Variants in ARHGAP44 observed in about 807,000 individuals in gnomAD.
The protein encoded by ARHGAP44 is Rho GTPase activating protein 44, also known as rho GTPase-activating protein 44.
A neutral mutation model predicts 106.8 loss-of-function variants in ARHGAP44; 43 were observed. The ratio of observed to expected loss-of-function variants is 0.40; its 90% CI spans 0.32 to 0.52. The LOEUF (loss-of-function observed/expected upper bound fraction) is 0.52, where lower values mean the gene tolerates loss of function less well. ARHGAP44 is among the 20% of genes least tolerant of loss of function. The pLI, the probability that ARHGAP44 is intolerant of heterozygous loss-of-function variation, is 0.48. For missense variants in ARHGAP44, 866 were observed against 1,050.5 expected (o/e 0.82, Z 2.43); for synonymous variants, 439 against 410.3 (o/e 1.07, Z -0.85).
intron 1 of ARHGAP44, among the ~76,000 whole-genome samples, chr17:12,892,074 G>A (rs1430609643): frequency 6.6e-6 from 1 of 152,248 alleles, no homozygotes; most frequent in East Asian, 1.9e-4. Context: ...GCAGGCGTGA[G>A]CCACTGTGCC....
intron 1 of ARHGAP44, among the ~76,000 whole-genome samples, chr17:12,796,703 TCTC>T (rs2033933459): frequency 6.6e-6 from 1 of 151,862 alleles, no homozygotes; most frequent in South Asian, 2.1e-4. Context: ...TTCATGCCAT[TCTC>T]CTGCCTCAGC....
chr17:12,953,187 C>G (rs770969691), intron 13 of ARHGAP44, among the ~76,000 whole-genome samples: 1 of 152,062 alleles, frequency 6.6e-6, no homozygotes, highest in East Asian at 1.9e-4. Context: ...TTCTCCAGTG[C>G]TCCCCCATTC....
intron 1 of ARHGAP44, among the ~76,000 whole-genome samples, chr17:12,799,522 G>T (rs915690610): frequency 4.6e-5 from 7 of 152,142 alleles, no homozygotes; most frequent in Admixed American, 1.3e-4. Context: ...ATTCACAAAC[G>T]TCACTTATGT....
intron 16 of ARHGAP44, among the ~76,000 whole-genome samples, chr17:12,964,493 G>A (rs1056684008): frequency 6.6e-5 from 10 of 152,148 alleles, no homozygotes; most frequent in Non-Finnish European, 1.2e-4. Flanking sequence ...AAGAATAGAA[G>A]CGACAGGCTG....
rs16946898 is a variant in ARHGAP44 at position 12,955,972 on chromosome 17, A to G, written c.1242A>G (p.Gln414=). The change falls in exon 14 of 21, where the codon CAA becomes CAG. Residue 414 remains glutamine, a synonymous_variant. Coordinates refer to ENST00000379672, the MANE Select transcript of ARHGAP44 (RefSeq NM_014859.6). The stretch of plus-strand genomic sequence containing the variant: ...TAGGACCCAACCTCCTATGGCCACA[A>G]GCAGAAGGGTAAGTACAGGGCGGAG... ...IVLGPNLLWP[Q]AEGNITEMMT... 2.9e-3 allele frequency: 4,687 copies of G among 1,611,652 alleles called. 131 individuals carry two copies. In the African/African-American group the frequency reaches 0.056, roughly 19 times the overall value.
intron 10 of ARHGAP44, among the ~76,000 whole-genome samples, chr17:12,944,739 A>G (rs527898402): frequency 6.7e-6 from 1 of 149,582 alleles, no homozygotes; most frequent in South Asian, 2.1e-4. Context: ...TCCACCTGCC[A>G]TGGCCTCCCA....
intron 1 of ARHGAP44, among the ~76,000 whole-genome samples, chr17:12,877,611 G>A (rs1313131765): frequency 6.6e-6 from 1 of 152,020 alleles, no homozygotes; most frequent in Non-Finnish European, 1.5e-5. Flanking sequence ...TTAGCCGGGC[G>A]AGGTGGCGGG....
chr17:12,905,796 G>T (rs2037528710), intron 3 of ARHGAP44, among the ~76,000 whole-genome samples: 2 of 152,198 alleles, frequency 1.3e-5, no homozygotes, highest in African/African-American at 4.8e-5. Context: ...TCATGGGACT[G>T]TGAATGTTTA....
intron 8 of ARHGAP44, among the ~76,000 whole-genome samples, chr17:12,942,108 A>G (rs954727389): frequency 5.9e-5 from 9 of 152,190 alleles, no homozygotes; most frequent in Non-Finnish European, 1.2e-4. Flanking sequence ...AGGAGTTGAT[A>G]TGCATTACTT....
At chr17:12,850,756 A>G (rs2035717499) in intron 1 of ARHGAP44, among the ~76,000 whole-genome samples, 1 of 152,168 alleles carries the variant, frequency 6.6e-6, no homozygotes, top group South Asian at 2.1e-4. Flanking sequence ...AACCTTAACA[A>G]GCACAGGTAT....
At chr17:12,872,974 C>T (rs971019417) in intron 1 of ARHGAP44, among the ~76,000 whole-genome samples, 5 of 152,112 alleles carry the variant, frequency 3.3e-5, no homozygotes, top group East Asian at 1.9e-4. Context: ...CCGACATTAG[C>T]GTAACCATGC....
At chr17:12,845,243 C>G (rs1244715129) in intron 1 of ARHGAP44, among the ~76,000 whole-genome samples, 1 of 152,076 alleles carries the variant, frequency 6.6e-6, no homozygotes, top group African/African-American at 2.4e-5. Context: ...GGTGCGGTGG[C>G]TCACGTTTAT....
At chr17:12,828,070 A>G (rs2034975120) in intron 1 of ARHGAP44, among the ~76,000 whole-genome samples, 1 of 149,980 alleles carries the variant, frequency 6.7e-6, no homozygotes, top group Non-Finnish European at 1.5e-5. Context: ...TTACTTATCT[A>G]TTAACATTTT....
chr17:12,885,673 A>C (rs1477612221), intron 1 of ARHGAP44, among the ~76,000 whole-genome samples: 1 of 152,080 alleles, frequency 6.6e-6, no homozygotes, highest in East Asian at 1.9e-4. Flanking sequence ...TCATTGGTTA[A>C]GTTTTTATTC....
intron 1 of ARHGAP44, among the ~76,000 whole-genome samples, chr17:12,820,655 A>G (rs1365646942): frequency 6.6e-6 from 1 of 152,180 alleles, no homozygotes; most frequent in East Asian, 1.9e-4. Context: ...CACCACATGG[A>G]TACCTTCACT....
intron 1 of ARHGAP44, among the ~76,000 whole-genome samples, chr17:12,844,721 ATTTTC>A (rs1479186692): frequency 1.3e-5 from 2 of 150,984 alleles, no homozygotes; most frequent in Non-Finnish European, 3.0e-5. Flanking sequence ...ACTCATTTTC[ATTTTC>A]TTCTTCCAAG....
chr17:12,867,150 G>C (rs2150875560), intron 1 of ARHGAP44, among the ~76,000 whole-genome samples: 1 of 151,272 alleles, frequency 6.6e-6, no homozygotes, highest in Middle Eastern at 3.4e-3. Flanking sequence ...CACTCACAAG[G>C]AAACATGACA....
chr17:12,792,202 C>T (rs144456327), intron 1 of ARHGAP44, among the ~76,000 whole-genome samples: 28 of 152,234 alleles, frequency 1.8e-4, no homozygotes, highest in Non-Finnish European at 3.4e-4. Context: ...GTGCTCCTTC[C>T]AAGTAGCTTT....
intron 18 of ARHGAP44, among the ~76,000 whole-genome samples, chr17:12,975,145 T>C (rs1212464338): frequency 2.0e-5 from 3 of 152,084 alleles, no homozygotes; most frequent in Non-Finnish European, 4.4e-5. Flanking sequence ...CCACCATGCC[T>C]AGCCTGAAAA....
Sources: allele counts gnomAD v4.1 joint callset (sites outside exome capture counted in the v4.1 genomes callset), GRCh38; gene constraint gnomAD v4.1.1; transcripts MANE v1.5; gene names NCBI Gene and HGNC (gene_info 2026-07-23, HGNC 2026-07-21).